The following TBC1D32 variants were observed in gnomAD, a reference collection of about 807,000 sequenced individuals.
TBC1D32 encodes the protein protein broad-minded.
A neutral mutation model predicts 170.3 loss-of-function variants in TBC1D32; 151 were observed. The ratio of observed to expected loss-of-function variants is 0.89; its 90% CI spans 0.78 to 1.01. TBC1D32 has a LOEUF of 1.01. TBC1D32 is among the 50% of genes least tolerant of loss of function. The pLI is 0.00. For missense variants in TBC1D32, 1,464 were observed against 1,457.1 expected, an observed-to-expected ratio of 1.00 and a Z score of -0.08; for synonymous variants, 498 against 488.0, an observed-to-expected ratio of 1.02 and a Z score of -0.27.
chr6:121,270,653 C>A (rs141871647), intron 15 of TBC1D32, among the ~76,000 whole-genome samples: 1 of 152,022 alleles, frequency 6.6e-6, no homozygotes, highest in African/African-American at 2.4e-5. Flanking sequence ...CAGGACCAGA[C>A]GGATTCACAG....
intron 22 of TBC1D32, among the ~76,000 whole-genome samples, chr6:121,182,434 C>T (rs945419943): frequency 1.3e-5 from 2 of 151,972 alleles, no homozygotes; most frequent in African/African-American, 4.8e-5. Context: ...AGAATGCATA[C>T]TTTCATGATT....
At chr6:121,197,876 G>A (rs536965754) in intron 22 of TBC1D32, among the ~76,000 whole-genome samples, 1 of 152,212 alleles carries the variant, frequency 6.6e-6, no homozygotes, top group African/African-American at 2.4e-5. Flanking sequence ...TTGAGTCAGT[G>A]AGCTGAGGAA....
At chr6:121,227,676 A>G (rs1403674416) in intron 20 of TBC1D32, among the ~76,000 whole-genome samples, 1 of 152,108 alleles carries the variant, frequency 6.6e-6, no homozygotes, top group South Asian at 2.1e-4. Context: ...ATCATAATAA[A>G]TGGTCCTTTT....
chr6:121,209,323 G>C (rs1339544345), intron 21 of TBC1D32, among the ~76,000 whole-genome samples: 2 of 152,124 alleles, frequency 1.3e-5, no homozygotes, highest in East Asian at 3.9e-4. Flanking sequence ...GTGTGTGTGA[G>C]AGATAAGAAC....
At chr6:121,138,143 C>A (rs1386512597) in intron 24 of TBC1D32, among the ~76,000 whole-genome samples, 1 of 152,042 alleles carries the variant, frequency 6.6e-6, no homozygotes, top group Non-Finnish European at 1.5e-5. Flanking sequence ...AAAACTAATA[C>A]AAAGAATTTA....
chr6:121,310,352 A>T (rs1808010429), intron 4 of TBC1D32, among the ~76,000 whole-genome samples: 1 of 152,220 alleles, frequency 6.6e-6, no homozygotes, highest in Admixed American at 6.5e-5. Flanking sequence ...ATGTTGTACA[A>T]GACGAATATA....
At chr6:121,176,213 A>C (rs1177727632) in intron 22 of TBC1D32, among the ~76,000 whole-genome samples, 7 of 152,198 alleles carry the variant, frequency 4.6e-5, no homozygotes, top group Non-Finnish European at 8.8e-5. Context: ...TAACGTGGTC[A>C]GGAAAGAGCT....
rs1051194316 is a variant in TBC1D32, at chr6:121,334,238, G to C, written c.155+38C>G. ...CCCTTCTCTGGACCCTCTCTGGATC[G>C]ATGGTTTATAGGCTTAAAACATCAA... is the stretch of plus-strand genomic sequence containing the variant. On this transcript the variant is annotated intron_variant, in intron 1 of 31. Transcript: ENST00000398212. The C allele has an allele frequency of 3.2e-6, 5 of 1,582,238 alleles. No individual in the cohort carries two copies. In the African/African-American group the frequency reaches 6.8e-5, roughly 21 times the overall value.
chr6:121,158,147 G>C (rs1469040310), intron 24 of TBC1D32, among the ~76,000 whole-genome samples: 2 of 147,852 alleles, frequency 1.4e-5, no homozygotes, highest in Admixed American at 7.0e-5. Context: ...TCATAGATTT[G>C]GTCTCTTTAC....
chr6:121,262,971 A>C (rs1799969031), intron 15 of TBC1D32, among the ~76,000 whole-genome samples: 1 of 152,226 alleles, frequency 6.6e-6, no homozygotes, highest in South Asian at 2.1e-4. Flanking sequence ...CACTGAAAAA[A>C]AACACACTAA....
intron 20 of TBC1D32, among the ~76,000 whole-genome samples, chr6:121,232,001 T>C (rs1460383259): frequency 6.6e-6 from 1 of 152,152 alleles, no homozygotes; most frequent in Non-Finnish European, 1.5e-5. Context: ...CCTAAGCTAA[T>C]GTCTAGAAGG....
chr6:121,198,260 A>AATATATATATATAAATATATATATT (rs1791081058), intron 22 of TBC1D32, among the ~76,000 whole-genome samples: 1 of 139,706 alleles, frequency 7.2e-6, no homozygotes, highest in Non-Finnish European at 1.5e-5. Context: ...ATATATATAT[A>AATATATATATATAAATATATATATT]ATATATATAT....
Position 121,334,317 on chromosome 6 carries a change from C to G in TBC1D32, c.114G>C (p.Glu38Asp). Residue 38 changes from glutamate to aspartate, a missense_variant, in exon 1 of 32, where the codon GAG becomes GAC. Around this residue, in one of 3 missense-constraint regions of TBC1D32, gnomAD observed 1,363 missense variants for 1,338.1 expected, o/e 1.02. Coordinates refer to ENST00000398212, the MANE Select transcript of TBC1D32 (RefSeq NM_152730.6). ...TGAPSLECAE[E>D]ILLHLEETDE... The stretch of plus-strand genomic sequence containing the variant: ...CAGTTTCCTCCAGATGTAAAAGAAT[C>G]TCTTCGGCACACTCCAGGGAAGGGG... 6 of 1,614,120 alleles carry G rather than the reference C, an allele frequency of 3.7e-6. No homozygotes were observed. The highest frequency in any genetic ancestry group is 5.1e-6 in the Non-Finnish European group (6 of 1,180,010).
At chr6:121,147,784 G>A (rs1783657459) in intron 24 of TBC1D32, among the ~76,000 whole-genome samples, 1 of 152,010 alleles carries the variant, frequency 6.6e-6, no homozygotes, top group African/African-American at 2.4e-5. Flanking sequence ...AGTAGAGACA[G>A]GGTTTAACCA....
chr6:121,104,817 T>C (rs1218416612), intron 30 of TBC1D32, among the ~76,000 whole-genome samples: 1 of 151,514 alleles, frequency 6.6e-6, no homozygotes, highest in African/African-American at 2.4e-5. Context: ...ATAGACTGAG[T>C]ATAATAACAC....
intron 31 of TBC1D32, among the ~76,000 whole-genome samples, chr6:121,089,573 A>G (rs188017587): frequency 6.6e-6 from 1 of 152,230 alleles, no homozygotes; most frequent in Admixed American, 6.5e-5. Flanking sequence ...TTTCTATCTT[A>G]GTTTTTCCTC....
At chr6:121,294,505 TA>T in intron 11 of TBC1D32, 64 bp downstream of exon 11, 1 of 1,226,508 alleles carries the variant, frequency 8.2e-7, no homozygotes. Context: ...AAGTTCCTAC[TA>T]AACTGTATTT....
At chr6:121,114,751 A>G (rs1257802458) in intron 27 of TBC1D32, among the ~76,000 whole-genome samples, 1 of 152,204 alleles carries the variant, frequency 6.6e-6, no homozygotes, top group Non-Finnish European at 1.5e-5. Flanking sequence ...TTTCAAAATT[A>G]CAACTTGAGT....
At chr6:121,206,997 T>G (rs1310159263) in intron 21 of TBC1D32, among the ~76,000 whole-genome samples, 1 of 152,158 alleles carries the variant, frequency 6.6e-6, no homozygotes, top group Non-Finnish European at 1.5e-5. Context: ...TGAATACTAT[T>G]AAATAAATAG....
Sources: gnomAD v4.1 joint callset for allele counts (sites outside exome capture counted in the v4.1 genomes callset) on GRCh38, gnomAD v4.1.1 for gene constraint, gnomAD v4.1.1 regional missense constraint, MANE v1.5 for transcripts, NCBI Gene and HGNC (gene_info 2026-07-23, HGNC 2026-07-21) for gene names.